Variants in SUGCT observed in about 807,000 individuals in gnomAD.
The protein encoded by SUGCT is succinyl-CoA:glutarate-CoA transferase.
Under a neutral mutation model 55.0 loss-of-function variants are expected in SUGCT, and 41 were observed. The observed-to-expected ratio is 0.74, with a 90% CI of 0.58 to 0.97. The LOEUF (loss-of-function observed/expected upper bound fraction) is 0.97, where lower values mean the gene tolerates loss of function less well. Ranked by LOEUF, SUGCT falls within the 50% of genes least tolerant of loss-of-function variation. SUGCT has a pLI of 0.00. For missense variants in SUGCT, 568 were observed against 547.8 expected (o/e 1.04, Z -0.37); for synonymous variants, 187 against 200.4 (o/e 0.93, Z 0.56).
At chr7:41,008,714 C>T in the SUGCT span, among the ~76,000 whole-genome samples, 2 of 152,034 alleles carry the variant, frequency 1.3e-5, no homozygotes, top group Non-Finnish European at 2.9e-5. Context: ...CAAGTCCCCC[C>T]AGTCACTATA....
At chr7:40,993,170 T>C in the SUGCT span, among the ~76,000 whole-genome samples, 1 of 152,138 alleles carries the variant, frequency 6.6e-6, no homozygotes, top group Non-Finnish European at 1.5e-5. Context: ...GTGGACCTCT[T>C]GGGTTAAAAT....
intron 6 of SUGCT, among the ~76,000 whole-genome samples, chr7:40,227,025 G>C (rs1788412020): frequency 6.8e-6 from 1 of 146,146 alleles, no homozygotes; most frequent in African/African-American, 2.5e-5. Context: ...CTAAAGTAGA[G>C]AGAATAGTTT....
intron 12 of SUGCT, among the ~76,000 whole-genome samples, chr7:40,516,234 T>C (rs570742305): frequency 1.3e-5 from 2 of 152,318 alleles, no homozygotes; most frequent in South Asian, 2.1e-4. Flanking sequence ...TTATAAGAGT[T>C]CTTGAGAGCA....
the SUGCT span, among the ~76,000 whole-genome samples, chr7:40,894,886 G>T: frequency 6.6e-6 from 1 of 152,110 alleles, no homozygotes; most frequent in Non-Finnish European, 1.5e-5. Context: ...GTTCGGCCAC[G>T]TAGAAAGCAA....
intron 1 of SUGCT, chr7:40,153,762 C>A: frequency 2.4e-6 from 1 of 422,514 alleles, no homozygotes; most frequent in South Asian, 2.0e-5. Flanking sequence ...TGACCAAGAG[C>A]CAAATTAAAG....
At chr7:40,729,807 C>G (rs986903805) in intron 12 of SUGCT, among the ~76,000 whole-genome samples, 6 of 152,194 alleles carry the variant, frequency 3.9e-5, no homozygotes, top group Admixed American at 2.0e-4. Flanking sequence ...ACACACGCCA[C>G]TGCTAAAGAG....
At chr7:40,737,118 C>T (rs1787202183) in intron 12 of SUGCT, among the ~76,000 whole-genome samples, 1 of 152,152 alleles carries the variant, frequency 6.6e-6, no homozygotes. Flanking sequence ...AGGGGCACTG[C>T]AGGATGTTTA....
At chr7:40,525,797 T>A (rs1793763729) in intron 12 of SUGCT, among the ~76,000 whole-genome samples, 1 of 152,174 alleles carries the variant, frequency 6.6e-6, no homozygotes, top group Non-Finnish European at 1.5e-5. Flanking sequence ...CAATCATGTT[T>A]TATATTTTGA....
At chr7:40,759,638 T>C (rs1193734751) in intron 13 of SUGCT, among the ~76,000 whole-genome samples, 1 of 151,988 alleles carries the variant, frequency 6.6e-6, no homozygotes, top group Non-Finnish European at 1.5e-5. Context: ...GAACCAACTA[T>C]TGAGTTTTTT....
chr7:40,764,719 G>A (rs1788694593), intron 13 of SUGCT, among the ~76,000 whole-genome samples: 1 of 152,140 alleles, frequency 6.6e-6, no homozygotes, highest in Non-Finnish European at 1.5e-5. Context: ...TTACTGCATT[G>A]AACTGGCTAA....
chr7:40,917,002 G>C, the SUGCT span, among the ~76,000 whole-genome samples: 1 of 152,158 alleles, frequency 6.6e-6, no homozygotes, highest in Non-Finnish European at 1.5e-5. Context: ...CCCAGGAACT[G>C]AATATGTTAA....
At chr7:40,340,081 A>G (rs2151173934) in intron 9 of SUGCT, among the ~76,000 whole-genome samples, 1 of 152,354 alleles carries the variant, frequency 6.6e-6, no homozygotes, top group East Asian at 1.9e-4. Context: ...ATTATCTGCC[A>G]GAAACCAACT....
At chr7:40,578,393 C>A (rs558092159) in intron 12 of SUGCT, among the ~76,000 whole-genome samples, 1 of 151,976 alleles carries the variant, frequency 6.6e-6, no homozygotes. Context: ...CACCTCCACC[C>A]CTTGCCTTCT....
At chr7:40,657,558 T>G (rs773138785) in intron 12 of SUGCT, among the ~76,000 whole-genome samples, 4 of 151,896 alleles carry the variant, frequency 2.6e-5, no homozygotes, top group African/African-American at 9.7e-5. Context: ...TGGAGTGCAG[T>G]GGCGCAATCT....
At chr7:40,475,390 C>T (rs995731737) in intron 11 of SUGCT, among the ~76,000 whole-genome samples, 7 of 152,098 alleles carry the variant, frequency 4.6e-5, no homozygotes, top group East Asian at 1.9e-4. Context: ...TGCATTTCTC[C>T]GTCTTGTTCA....
intron 13 of SUGCT, among the ~76,000 whole-genome samples, chr7:40,762,128 CA>C (rs774569355): frequency 1.8e-4 from 27 of 152,192 alleles, no homozygotes; most frequent in Non-Finnish European, 2.9e-4. Flanking sequence ...CACTGACGTG[CA>C]GATCAGGAAT....
At chr7:40,383,392 T>C (rs1215516795) in intron 9 of SUGCT, among the ~76,000 whole-genome samples, 1 of 152,194 alleles carries the variant, frequency 6.6e-6, no homozygotes, top group Non-Finnish European at 1.5e-5. Flanking sequence ...TCATCCCATT[T>C]CTATTAGGAC....
chr7:40,485,361 A>G (rs1791271504), intron 11 of SUGCT, among the ~76,000 whole-genome samples: 2 of 149,514 alleles, frequency 1.3e-5, no homozygotes, highest in South Asian at 2.1e-4. Context: ...ATTTTCAAAT[A>G]TATGTGTCTG....
chr7:40,338,070 A>T (rs1378393492), intron 9 of SUGCT, among the ~76,000 whole-genome samples: 1 of 152,120 alleles, frequency 6.6e-6, no homozygotes, highest in Non-Finnish European at 1.5e-5. Flanking sequence ...AATGTTGAAT[A>T]TTGGCCCCCA....
Sources: allele counts gnomAD v4.1 joint callset (sites outside exome capture counted in the v4.1 genomes callset), GRCh38; gene constraint gnomAD v4.1.1; transcripts MANE v1.5; gene names NCBI Gene and HGNC (gene_info 2026-07-23, HGNC 2026-07-21).